Variants in CTNNB1 observed in about 807,000 individuals in gnomAD.
The protein encoded by CTNNB1 is catenin beta-1.
CTNNB1 carries 6 observed loss-of-function variants against 82.5 expected under a neutral mutation model. The observed-to-expected ratio is 0.07, with a 90% CI of 0.04 to 0.14. The LOEUF is 0.14. Among genes scored for constraint, CTNNB1 ranks in the 10% least tolerant of loss-of-function variants. CTNNB1 has a pLI of 1.00. For synonymous variants in CTNNB1, 312 were observed against 329.7 expected (o/e 0.95, Z 0.58); for missense variants, 529 against 980.4 (o/e 0.54, Z 6.15).
intron 13 of CTNNB1, chr3:41,237,777 T>C: frequency 2.0e-6 from 1 of 498,232 alleles, no homozygotes. Flanking sequence ...AGGTGCTTAA[T>C]ATAATATTTG....
At chr3:41,205,884 C>G (rs1441965854) in intron 1 of CTNNB1, among the ~76,000 whole-genome samples, 1 of 152,162 alleles carries the variant, frequency 6.6e-6, no homozygotes, top group African/African-American at 2.4e-5. Context: ...CGTCTCACCC[C>G]AAGTCTATCC....
At chr3:41,236,816 TC>T in intron 13 of CTNNB1, 107 bp downstream of exon 13, 1 of 1,463,058 alleles carries the variant, frequency 6.8e-7, no homozygotes. Flanking sequence ...CATTGATGTT[TC>T]CCTGGCTTGA....
chr3:41,224,845 G>A (rs138323374), intron 3 of CTNNB1, 92 bp downstream of exon 3: 3 of 1,596,796 alleles, frequency 1.9e-6, no homozygotes, highest in African/African-American at 2.7e-5. Flanking sequence ...ATAAAATGTT[G>A]TGGTGAAGAA....
At position 41,239,062 on chromosome 3, in the gene CTNNB1, T is replaced by G. The variant is rs567970559; in HGVS notation, c.2138-72T>G. 2.8e-5 allele frequency: 36 copies of G among 1,301,798 alleles called. No individual in the cohort carries two copies. In the African/African-American group the frequency reaches 4.8e-4, roughly 17 times the overall value. 80.6% of individuals were successfully genotyped at this position (1,301,798 alleles called of 1,614,324 possible). The stretch of plus-strand genomic sequence containing the variant: ...GGATGCCCTAACCTCAGTGTTAACG[T>G]CTATGTCTGCTTCTCTCCTCTCTCT... On this transcript the variant is annotated intron_variant, in intron 14 of 14. Coordinates refer to ENST00000349496, the MANE Select transcript of CTNNB1 (RefSeq NM_001904.4).
chr3:41,236,736 C>A, intron 13 of CTNNB1, 27 bp downstream of exon 13: 2 of 1,613,934 alleles, frequency 1.2e-6, no homozygotes, highest in Non-Finnish European at 1.7e-6. Flanking sequence ...AGTTATTTAT[C>A]TGGTAGTTTC....
intron 14 of CTNNB1, among the ~76,000 whole-genome samples, chr3:41,238,692 T>C (rs2078498937): frequency 6.6e-6 from 1 of 152,220 alleles, no homozygotes; most frequent in Admixed American, 6.5e-5. Context: ...TTAGTACTTT[T>C]GTGGGTGTCA....
intron 1 of CTNNB1, among the ~76,000 whole-genome samples, chr3:41,206,210 A>G (rs2077644904): frequency 6.6e-6 from 1 of 152,152 alleles, no homozygotes; most frequent in South Asian, 2.1e-4. Flanking sequence ...AAACCGTTTA[A>G]AACTTGGGGG....
At chr3:41,207,989 A>G (rs1329713279) in intron 1 of CTNNB1, among the ~76,000 whole-genome samples, 1 of 152,156 alleles carries the variant, frequency 6.6e-6, no homozygotes, top group Admixed American at 6.5e-5. Flanking sequence ...ATGTGATCAA[A>G]TTATACCACC....
At position 41,236,484 on chromosome 3, in the gene CTNNB1, A is replaced by G. The variant is rs1296486135; in HGVS notation, c.1939A>G (p.Arg647Gly). ...TAPLTELLHS[R>G]NEGVATYAAA... ...TCCTCTGACAGAGTTACTTCACTCTAGGAATGAAGGTGTGGGTAAGTAAAA... is the reference window on the plus strand; with the variant it reads ...TCCTCTGACAGAGTTACTTCACTCTGGGAATGAAGGTGTGGGTAAGTAAAA... Residue 647 changes from arginine to glycine, a missense_variant, in exon 12 of 15, where the codon AGG becomes GGG. Transcript: ENST00000349496. 6.2e-7 allele frequency: 1 copy of G among 1,614,240 alleles called. No homozygotes were observed. Among genetic ancestry groups the G allele is most frequent in the Admixed American group, 1.7e-5 (1 of 60,028 alleles).
At chr3:41,200,715 CT>C (rs1159394825) in intron 1 of CTNNB1, among the ~76,000 whole-genome samples, 1 of 152,190 alleles carries the variant, frequency 6.6e-6, no homozygotes, top group African/African-American at 2.4e-5. Flanking sequence ...GGAGAGAGGA[CT>C]TTGAACCGAG....
intron 11 of CTNNB1, 110 bp downstream of exon 11, chr3:41,235,953 A>G: frequency 1.5e-6 from 2 of 1,328,510 alleles, no homozygotes; most frequent in Non-Finnish European, 2.2e-6. Context: ...CCAACATTTA[A>G]TTTTATGAAA....
chr3:41,203,910 A>G (rs966195341), intron 1 of CTNNB1, among the ~76,000 whole-genome samples: 1 of 152,178 alleles, frequency 6.6e-6, no homozygotes, highest in African/African-American at 2.4e-5. Flanking sequence ...GAAATTTTTC[A>G]GGGTTTAGAT....
At chr3:41,205,773 TC>T (rs1335947458) in intron 1 of CTNNB1, among the ~76,000 whole-genome samples, 1 of 152,172 alleles carries the variant, frequency 6.6e-6, no homozygotes, top group Non-Finnish European at 1.5e-5. Flanking sequence ...AAAAGCATCA[TC>T]TGAAAATAAT....
intron 6 of CTNNB1, 74 bp from the exon 7 acceptor site, chr3:41,227,133 GT>G: frequency 1.6e-6 from 2 of 1,240,310 alleles, no homozygotes; most frequent in Non-Finnish European, 2.4e-6. Context: ...AATAAAATAG[GT>G]TGGTAATATG....
chr3:41,234,140 C>G lies in CTNNB1; in HGVS notation c.1526C>G (p.Ala509Gly). The G allele has an allele frequency of 1.2e-6, 2 of 1,614,198 alleles. No homozygotes were observed. Among genetic ancestry groups the G allele is most frequent in the Non-Finnish European group, 1.7e-6 (2 of 1,180,032 alleles). Residue 509 changes from alanine to glycine, a missense_variant and splice_region_variant, in exon 10 of 15, where the codon GCT (alanine) becomes GGT (glycine). Physicochemically the swap from Ala to Gly is moderately conservative, Grantham distance 60. Transcript: ENST00000349496. ...CCAGTTCTTCCTTCTGTTTTTCAGG[C>G]TACTGTTGGATTGATTCGAAATCTT... ...HPPSHWPLIK[A>G]TVGLIRNLAL...
intron 1 of CTNNB1, among the ~76,000 whole-genome samples, chr3:41,212,710 G>A (rs2077822581): frequency 6.6e-6 from 1 of 152,226 alleles, no homozygotes; most frequent in Non-Finnish European, 1.5e-5. Context: ...TTATGTTGGA[G>A]AGTACAGTTT....
intron 1 of CTNNB1, among the ~76,000 whole-genome samples, chr3:41,208,674 G>A (rs1231039206): frequency 6.6e-6 from 1 of 152,142 alleles, no homozygotes; most frequent in Admixed American, 6.6e-5. Context: ...TTCATGCCCA[G>A]TGATCTCTTG....
chr3:41,227,925 CGT>C (rs1280443692), intron 7 of CTNNB1, among the ~76,000 whole-genome samples: 1 of 152,052 alleles, frequency 6.6e-6, no homozygotes, highest in African/African-American at 2.4e-5. Flanking sequence ...TCTTTGTGCC[CGT>C]GTGTACTCAG....
intron 1 of CTNNB1, among the ~76,000 whole-genome samples, chr3:41,217,817 T>C (rs567134274): frequency 3.3e-5 from 5 of 152,350 alleles, no homozygotes; most frequent in Admixed American, 2.6e-4. Flanking sequence ...TGAAATGTTA[T>C]TTCTTGTTCT....
Sources: gnomAD v4.1 joint callset for allele counts (sites outside exome capture counted in the v4.1 genomes callset) on GRCh38, gnomAD v4.1.1 for gene constraint, MANE v1.5 for transcripts, NCBI Gene and HGNC (gene_info 2026-07-23, HGNC 2026-07-21) for gene names.